TTC23L: variants seen among roughly 807,000 people sequenced by gnomAD.
TTC23L encodes tetratricopeptide repeat protein 23-like.
In TTC23L, 42 loss-of-function variants were observed where a neutral mutation model predicts 48.1. The observed-to-expected ratio is 0.87, with a 90% confidence interval of 0.68 to 1.13. The LOEUF (loss-of-function observed/expected upper bound fraction) is 1.13, where lower values mean the gene tolerates loss of function less well. TTC23L is among the 50% of genes most tolerant of loss of function. The pLI is 0.00. For synonymous variants in TTC23L, 159 were observed against 157.2 expected, an observed-to-expected ratio of 1.01 and a Z score of -0.09; for missense variants, 391 against 421.0, an observed-to-expected ratio of 0.93 and a Z score of 0.62.
intron 2 of TTC23L, among the ~76,000 whole-genome samples, chr5:34,841,551 T>C (rs1758675056): frequency 1.3e-5 from 2 of 152,232 alleles, no homozygotes; most frequent in African/African-American, 4.8e-5. Flanking sequence ...ACAGCCTTGC[T>C]CTGTCACCCA....
chr5:34,902,481 A>G (rs989555017), downstream of TTC23L: 9 of 285,126 alleles, frequency 3.2e-5, no homozygotes, highest in East Asian at 9.5e-5. Context: ...GTGTATCACT[A>G]TCAACATCTA....
At chr5:34,908,825 T>C in the TTC23L span, 2 of 1,612,836 alleles carry the variant, frequency 1.2e-6, no homozygotes, top group South Asian at 1.1e-5. Flanking sequence ...CAAAACATAT[T>C]TGTCCATCTT....
chr5:34,897,103 C>T (rs139891596), intron 10 of TTC23L, among the ~76,000 whole-genome samples: 181 of 152,138 alleles, frequency 1.2e-3, no homozygotes, highest in African/African-American at 4.2e-3. Context: ...ACAAAACCTT[C>T]GGCTGGGTGC....
At chr5:34,915,096 A>G in the TTC23L span, 39,906 of 581,516 alleles carry the variant, frequency 0.069, 1,710 homozygotes, top group South Asian at 0.12. Flanking sequence ...TCACTTAACT[A>G]TCTTTGTAAT....
rs1013034934 is a variant in TTC23L at position 34,882,794 on chromosome 5, C to T, written c.1077+2486C>T. Reference sequence around the variant, plus strand: ...GAGACTCACACCTGTAATCCCAGCACTTTGCGAGGCCGAGGCAGGAGGATT... The same window carrying T: ...GAGACTCACACCTGTAATCCCAGCATTTTGCGAGGCCGAGGCAGGAGGATT... On this transcript the variant is annotated intron_variant, in intron 9 of 10. Transcript: ENST00000505624. 5.9e-5 allele frequency among the ~76,000 whole-genome samples: 9 copies of T among 152,256 alleles called. No individual in the cohort carries two copies. In the East Asian group the frequency reaches 1.7e-3, roughly 29 times the overall value.
intron 9 of TTC23L, among the ~76,000 whole-genome samples, chr5:34,881,441 TTGTC>T (rs1762216669): frequency 6.6e-6 from 1 of 151,550 alleles, no homozygotes; most frequent in African/African-American, 2.5e-5. Context: ...GTGAAGACCT[TTGTC>T]TGTCATAAGA....
intron 2 of TTC23L, among the ~76,000 whole-genome samples, chr5:34,842,766 G>A (rs1369335864): frequency 6.6e-6 from 1 of 152,190 alleles, no homozygotes; most frequent in African/African-American, 2.4e-5. Flanking sequence ...CTGCATTCAT[G>A]ATAAACAGTT....
rs762763569 is a variant in TTC23L, at chr5:34,850,165, A to G, written c.256-20A>G. The G allele has an allele frequency of 1.8e-5, 29 of 1,613,192 alleles. No individual in the cohort carries two copies. The highest frequency in any genetic ancestry group is 2.5e-5 in the Non-Finnish European group (29 of 1,179,390). ...CTTCTCTTCCTTTCCAAAAAGTATA[A>G]TCACTTCTGTACTCTACAGAATACT... On this transcript the variant is annotated intron_variant, in intron 3 of 10. Coordinates refer to ENST00000505624, the Ensembl canonical transcript of TTC23L.
At chr5:34,914,459 C>T in the TTC23L span, 1 of 534,492 alleles carries the variant, frequency 1.9e-6, no homozygotes, top group Non-Finnish European at 3.3e-6. Flanking sequence ...CATTACTAAC[C>T]ATTATCTCTG....
At chr5:34,915,976 C>T in the TTC23L span, 2,125 of 1,430,690 alleles carry the variant, frequency 1.5e-3, 11 homozygotes, top group Non-Finnish European at 8.9e-4. Flanking sequence ...TTGACTACAG[C>T]CTTGCTTAAT....
At chr5:34,854,717 C>CT (rs1252419935) in intron 4 of TTC23L, among the ~76,000 whole-genome samples, 1 of 152,196 alleles carries the variant, frequency 6.6e-6, no homozygotes, top group African/African-American at 2.4e-5. Context: ...AGCCAAAAGG[C>CT]TAATTTCTCT....
the TTC23L span, chr5:34,911,591 G>A: frequency 6.2e-7 from 1 of 1,614,146 alleles, no homozygotes. Context: ...GTAATTTGTA[G>A]GACTTCACTC....
exon 3 of TTC23L, chr5:34,845,660 T>A: frequency 6.2e-7 from 1 of 1,602,670 alleles, no homozygotes; most frequent in Non-Finnish European, 8.5e-7. Flanking sequence ...GCTCAGCTGA[T>A]TAAGGAAAAA....
chr5:34,875,013 A>G (rs1318763911), intron 8 of TTC23L, among the ~76,000 whole-genome samples: 1 of 152,202 alleles, frequency 6.6e-6, no homozygotes, highest in Admixed American at 6.5e-5. Flanking sequence ...GGATGGAGAC[A>G]AATACACTAT....
At chr5:34,876,012 T>C (rs1342641501) in intron 8 of TTC23L, among the ~76,000 whole-genome samples, 1 of 152,082 alleles carries the variant, frequency 6.6e-6, no homozygotes, top group Non-Finnish European at 1.5e-5. Context: ...TACTTGGAGA[T>C]TAAACAACAC....
At chr5:34,867,358 A>G (rs1761144019) in intron 7 of TTC23L, 1 of 414,706 alleles carries the variant, frequency 2.4e-6, no homozygotes, top group South Asian at 3.4e-5. Flanking sequence ...GCAAAATGTG[A>G]GTCTACTCCA....
chr5:34,913,498 T>C, the TTC23L span: 2,202 of 1,594,074 alleles, frequency 1.4e-3, 4 homozygotes, highest in Non-Finnish European at 1.5e-3. Flanking sequence ...CAAAAATAGA[T>C]AAACAGTCTA....
chr5:34,850,641 C>T (rs750746320), intron 4 of TTC23L, among the ~76,000 whole-genome samples: 29 of 152,080 alleles, frequency 1.9e-4, no homozygotes, highest in Admixed American at 6.5e-5. Context: ...ATCAGGGGTT[C>T]CAGCCGGAGG....
In TTC23L at chr5:34,889,148, C is replaced by A. The variant is rs188216333; in HGVS notation, c.1078-7622C>A. 4.5e-3 allele frequency among the ~76,000 whole-genome samples: 689 copies of A among 152,246 alleles called. 1 individual carries two copies. Among genetic ancestry groups the A allele is most frequent in the Admixed American group, 9.3e-3 (142 of 15,286 alleles). ...TGTTCTCTTCTAAGAGGGAAGAGAA[C>A]AAAAACTTGTTGAATTTATACCAAA... On this transcript the variant is annotated intron_variant, in intron 9 of 10. Transcript: ENST00000505624.
Sources: gnomAD v4.1 joint callset for allele counts (sites outside exome capture counted in the v4.1 genomes callset) on GRCh38, gnomAD v4.1.1 for gene constraint, MANE v1.5 for transcripts, NCBI Gene and HGNC (gene_info 2026-07-23, HGNC 2026-07-21) for gene names.